SYT6: variants seen among roughly 807,000 people sequenced by gnomAD.
SYT6 encodes synaptotagmin-6.
In SYT6, 24 loss-of-function variants were observed where a neutral mutation model predicts 38.4. That is an observed-to-expected ratio of 0.62 (90% CI 0.45 to 0.88). The LOEUF (loss-of-function observed/expected upper bound fraction) is 0.88, where lower values mean the gene tolerates loss of function less well. Ranked by LOEUF, SYT6 falls within the 40% of genes least tolerant of loss-of-function variation. The probability of loss-of-function intolerance (pLI) is 0.00; values close to 1 mark genes in which losing one functional copy is unlikely to be tolerated. For synonymous variants in SYT6, 265 were observed against 241.9 expected, an observed-to-expected ratio of 1.10 and a Z score of -0.89; for missense variants, 611 against 621.0, an observed-to-expected ratio of 0.98 and a Z score of 0.17.
chr1:114,144,436 C>T (rs1258350837), intron 1 of SYT6, among the ~76,000 whole-genome samples: 1 of 152,170 alleles, frequency 6.6e-6, no homozygotes, highest in Non-Finnish European at 1.5e-5. Context: ...AGACACAGAA[C>T]CTGGACTAGG....
At chr1:114,097,596 T>C (rs1675708525) in intron 6 of SYT6, 131 bp downstream of exon 6, 1 of 1,126,550 alleles carries the variant, frequency 8.9e-7, no homozygotes, top group South Asian at 1.5e-5. Flanking sequence ...TATTACACAC[T>C]GGGTAAGAAG....
intron 3 of SYT6, among the ~76,000 whole-genome samples, chr1:114,132,820 T>C (rs1056599813): frequency 6.6e-6 from 1 of 152,096 alleles, no homozygotes; most frequent in Non-Finnish European, 1.5e-5. Context: ...TCTGTTTCAT[T>C]TACTACATAT....
rs191474568 is a variant in SYT6 at position 114,133,422 on chromosome 1, A to G, written c.1071+4073T>C. Among the ~76,000 whole-genome samples the G allele has an allele frequency of 1.6e-4, 25 of 152,340 alleles. No individual in the cohort carries two copies. The East Asian group carries it at 4.2e-3, about 26-fold the overall frequency. On this transcript the variant is annotated intron_variant, in intron 3 of 7. Coordinates refer to ENST00000610222, the MANE Select transcript of SYT6 (RefSeq NM_001253772.2). Reference sequence around the variant, plus strand: ...GATGTTAGCAAACCCGGGTGACGGCAGCTCTATTATAATGATAAATCTACA... The same window carrying G: ...GATGTTAGCAAACCCGGGTGACGGCGGCTCTATTATAATGATAAATCTACA...
intron 4 of SYT6, among the ~76,000 whole-genome samples, chr1:114,102,511 T>G (rs886154442): frequency 6.6e-6 from 1 of 152,236 alleles, no homozygotes; most frequent in African/African-American, 2.4e-5. Context: ...TTCCAGCAAC[T>G]GATTATACCC....
At chr1:114,113,677 T>C (rs1224151151) in intron 3 of SYT6, among the ~76,000 whole-genome samples, 1 of 152,024 alleles carries the variant, frequency 6.6e-6, no homozygotes, top group Admixed American at 6.6e-5. Context: ...CCATCTCAAG[T>C]CCACCCACCT....
Position 114,139,854 on chromosome 1 carries a change from CT to C in SYT6, c.272del (p.Lys91ArgfsTer29). ...WKLCWMPWRN[K>X]EASSPSSANP... ...TAGCAGAAGAGGGACTGGAGGCCTC[CT>C]TGTTCCTCCAGGGCATCCAGCACAG... On this transcript the variant is annotated frameshift_variant, in exon 2 of 8. Coordinates refer to ENST00000610222, the MANE Select transcript of SYT6 (RefSeq NM_001253772.2). LOFTEE classifies it high-confidence loss of function. 6.3e-7 allele frequency: 1 copy of C among 1,582,576 alleles called. No homozygotes were observed.
At chr1:114,147,279 G>T (rs985019866) in intron 1 of SYT6, among the ~76,000 whole-genome samples, 1 of 152,146 alleles carries the variant, frequency 6.6e-6, no homozygotes, top group African/African-American at 2.4e-5. Flanking sequence ...CCAGCCAGCT[G>T]GTGAACAGGA....
In SYT6 at chr1:114,129,616, CCTTTCTTTCTTT is replaced by C. The variant is rs149266681; in HGVS notation, c.1071+7867_1071+7878del. On this transcript the variant is annotated intron_variant, in intron 3 of 7. Transcript: ENST00000610222. ...TCTTTCTTTCTTTCTTTCTTTCTTT[CCTTTCTTTCTTT>C]CTTTCTTTCTTTCTCTTTCTTTCTT... 1.9e-4 allele frequency among the ~76,000 whole-genome samples: 11 copies of C among 58,912 alleles called. No individual in the cohort carries two copies. The Admixed American group carries it at 2.2e-3, about 12-fold the overall frequency. The allele number at this position is 58,912 out of a possible 152,430, so 38.6% of individuals were successfully genotyped here.
intron 3 of SYT6, among the ~76,000 whole-genome samples, chr1:114,125,574 G>A (rs7556594): frequency 0.26 from 39,958 of 151,876 alleles, 5,414 homozygotes; most frequent in African/African-American, 0.29. Flanking sequence ...AGATGGGCTC[G>A]GGGTTGGCAG....
chr1:114,118,526 G>A (rs1048586340), intron 3 of SYT6, among the ~76,000 whole-genome samples: 18 of 152,188 alleles, frequency 1.2e-4, no homozygotes, highest in Non-Finnish European at 2.9e-5. Flanking sequence ...TATGAACCTG[G>A]AGACCTCCCT....
At chr1:114,149,657 G>T (rs1325206466) in intron 1 of SYT6, among the ~76,000 whole-genome samples, 1 of 152,018 alleles carries the variant, frequency 6.6e-6, no homozygotes, top group African/African-American at 2.4e-5. Flanking sequence ...TTGGTGGATG[G>T]TAACTGTACC....
intron 1 of SYT6, among the ~76,000 whole-genome samples, chr1:114,150,324 T>C (rs1679380852): frequency 6.6e-6 from 1 of 152,206 alleles, no homozygotes; most frequent in East Asian, 1.9e-4. Flanking sequence ...TCTACAACTC[T>C]TAGATACTGG....
chr1:114,116,082 C>G (rs1172868160), intron 3 of SYT6, among the ~76,000 whole-genome samples: 2 of 152,216 alleles, frequency 1.3e-5, no homozygotes, highest in Non-Finnish European at 2.9e-5. Context: ...TGCCTGCCCC[C>G]ACCTGCCTCT....
chr1:114,145,797 A>G (rs904263389), intron 1 of SYT6, among the ~76,000 whole-genome samples: 1 of 152,166 alleles, frequency 6.6e-6, no homozygotes, highest in African/African-American at 2.4e-5. Flanking sequence ...AATTTTAATG[A>G]GAAGGGGAGT....
At chr1:114,099,381 C>T (rs775600554) in intron 4 of SYT6, 116 bp from the exon 5 acceptor site, 44 of 1,064,658 alleles carry the variant, frequency 4.1e-5, no homozygotes, top group Non-Finnish European at 5.5e-5. Context: ...CAGATGGTAT[C>T]AGTGGGTTGT....
chr1:114,105,634 A>G (rs1467129593), intron 3 of SYT6, among the ~76,000 whole-genome samples: 1 of 152,060 alleles, frequency 6.6e-6, no homozygotes, highest in Non-Finnish European at 1.5e-5. Flanking sequence ...GCCTCCATGA[A>G]GATCACTTCC....
chr1:114,144,881 C>A (rs888018254), intron 1 of SYT6, among the ~76,000 whole-genome samples: 1 of 152,092 alleles, frequency 6.6e-6, no homozygotes, highest in East Asian at 1.9e-4. Context: ...TTATCACCTC[C>A]GAGAATAGGT....
rs115657825 is a variant in SYT6, at chr1:114,123,639, G to A, written c.1071+13856C>T. ...CTTTTGGGTTTTCTTTCTGGTTCTA[G>A]GTGCTCCTTCATGTTCTGTCCCTGC... On this transcript the variant is annotated intron_variant, in intron 3 of 7. Transcript: ENST00000610222. Among the ~76,000 whole-genome samples the A allele has an allele frequency of 8.2e-3, 1,248 of 152,234 alleles. 13 individuals carry two copies. The highest frequency in any genetic ancestry group is 0.029 in the African/African-American group (1,201 of 41,518).
intron 3 of SYT6, among the ~76,000 whole-genome samples, chr1:114,134,720 G>A (rs1438937464): frequency 6.6e-6 from 1 of 152,194 alleles, no homozygotes; most frequent in African/African-American, 2.4e-5. Context: ...GAAATGTCAG[G>A]TGTTTTTCAG....
Sources: allele counts gnomAD v4.1 joint callset (sites outside exome capture counted in the v4.1 genomes callset), GRCh38; gene constraint gnomAD v4.1.1; transcripts MANE v1.5; gene names NCBI Gene and HGNC (gene_info 2026-07-23, HGNC 2026-07-21).